RUFY2: variants seen among roughly 807,000 people sequenced by gnomAD.
RUFY2 encodes the protein RUN and FYVE domain-containing protein 2.
RUFY2 carries 49 observed loss-of-function variants against 94.4 expected under a neutral mutation model. The observed-to-expected ratio is 0.52, with a 90% CI of 0.41 to 0.66. The LOEUF is 0.66. Among genes scored for constraint, RUFY2 ranks in the 30% least tolerant of loss-of-function variants. The probability of loss-of-function intolerance (pLI) is 0.00; values close to 1 mark genes in which losing one functional copy is unlikely to be tolerated. For missense variants in RUFY2, 541 were observed against 692.8 expected, an observed-to-expected ratio of 0.78 and a Z score of 2.46; for synonymous variants, 255 against 235.7, an observed-to-expected ratio of 1.08 and a Z score of -0.75.
chr10:68,352,524 C>G (rs2046752987), intron 16 of RUFY2, among the ~76,000 whole-genome samples: 1 of 152,152 alleles, frequency 6.6e-6, no homozygotes, highest in Non-Finnish European at 1.5e-5. Context: ...AATGACGTAA[C>G]CAAGTACCTG....
intron 13 of RUFY2, among the ~76,000 whole-genome samples, chr10:68,369,762 A>G (rs946431805): frequency 7.2e-5 from 11 of 152,058 alleles, no homozygotes; most frequent in Non-Finnish European, 1.6e-4. Flanking sequence ...TCTCTATAAG[A>G]AAAATAATAA....
At chr10:68,362,310 T>C (rs544721423) in intron 15 of RUFY2, among the ~76,000 whole-genome samples, 1 of 151,472 alleles carries the variant, frequency 6.6e-6, no homozygotes, top group Admixed American at 6.6e-5. Context: ...CCTGGGCAAC[T>C]TGAGAGCAAG....
chr10:68,379,622 GC>G, intron 11 of RUFY2, 101 bp from the exon 12 acceptor site: 1 of 746,056 alleles, frequency 1.3e-6, no homozygotes, highest in Non-Finnish European at 2.1e-6. Context: ...TCACTATGCA[GC>G]CCAGGTTGGA....
At chr10:68,364,257 T>C (rs2047653546) in intron 13 of RUFY2, 144 bp from the exon 14 acceptor site, 1 of 789,288 alleles carries the variant, frequency 1.3e-6, no homozygotes, top group African/African-American at 1.7e-5. Context: ...CAAATATTTT[T>C]CAGTAAACAA....
intron 13 of RUFY2, among the ~76,000 whole-genome samples, chr10:68,373,561 G>A (rs1439643131): frequency 6.6e-6 from 1 of 151,950 alleles, no homozygotes; most frequent in East Asian, 1.9e-4. Flanking sequence ...GAGGCCAGGA[G>A]TTCCAGACCA....
intron 16 of RUFY2, among the ~76,000 whole-genome samples, chr10:68,349,827 C>G (rs1489059505): frequency 1.3e-5 from 2 of 151,838 alleles, no homozygotes; most frequent in Admixed American, 6.6e-5. Flanking sequence ...CGTGAGCCAC[C>G]GCGCCCGGCC....
chr10:68,391,199 G>A (rs535674043), intron 7 of RUFY2, among the ~76,000 whole-genome samples: 19 of 152,190 alleles, frequency 1.2e-4, no homozygotes, highest in Non-Finnish European at 2.8e-4. Flanking sequence ...GCCTCCCAAA[G>A]TGCTGGGATT....
chr10:68,406,667 C>G, intron 1 of RUFY2: 1 of 1,272,160 alleles, frequency 7.9e-7, no homozygotes, highest in Non-Finnish European at 1.1e-6. Context: ...GCCTAGAGCC[C>G]CTTCCCTGCC....
At chr10:68,374,961 G>C (rs2048527974) in intron 13 of RUFY2, among the ~76,000 whole-genome samples, 1 of 151,980 alleles carries the variant, frequency 6.6e-6, no homozygotes, top group African/African-American at 2.4e-5. Flanking sequence ...AAATATATAT[G>C]CATGCATGGT....
At chr10:68,351,445 C>CTTT in intron 16 of RUFY2, among the ~76,000 whole-genome samples, 1 of 63,350 alleles carries the variant, frequency 1.6e-5, no homozygotes, top group Non-Finnish European at 2.9e-5. Context: ...CTCCACCCAT[C>CTTT]TTTTTTTTTT....
At chr10:68,401,768 G>T in intron 2 of RUFY2, 31 bp from the exon 3 acceptor site, 2 of 1,268,028 alleles carry the variant, frequency 1.6e-6, no homozygotes, top group Non-Finnish European at 2.3e-6. Flanking sequence ...TGCACACAAT[G>T]TCAACATAAA....
At chr10:68,350,939 G>A (rs550502769) in intron 16 of RUFY2, among the ~76,000 whole-genome samples, 41 of 151,882 alleles carry the variant, frequency 2.7e-4, no homozygotes, top group African/African-American at 8.9e-4. Flanking sequence ...TCGAACTCCC[G>A]ACCTCAGGTG....
intron 15 of RUFY2, 144 bp downstream of exon 15, chr10:68,363,446 C>A: frequency 2.0e-6 from 1 of 503,640 alleles, no homozygotes; most frequent in Non-Finnish European, 3.4e-6. Context: ...TTACAAAGTG[C>A]GGGGATTACA....
At chr10:68,356,481 G>T (rs1285313702) in intron 15 of RUFY2, among the ~76,000 whole-genome samples, 1 of 152,034 alleles carries the variant, frequency 6.6e-6, no homozygotes, top group Non-Finnish European at 1.5e-5. Flanking sequence ...ACTCCAGCCT[G>T]GGTGACAGCG....
rs925442414 is a variant in RUFY2 at position 68,401,748 on chromosome 10, G to A, written c.179-11C>T. The stretch of plus-strand genomic sequence containing the variant: ...AAAATGATTTTCTTACTGAAAAAAA[G>A]AACACATAATGCACACAATGTCAAC... On this transcript the variant is annotated splice_polypyrimidine_tract_variant and intron_variant, in intron 2 of 17. Coordinates refer to ENST00000602465, the MANE Select transcript of RUFY2 (RefSeq NM_001330103.2). 2 of 1,477,288 alleles carry A rather than the reference G, an allele frequency of 1.4e-6. No homozygotes were observed. Among genetic ancestry groups the A allele is most frequent in the Middle Eastern group, 1.7e-4 (1 of 5,804 alleles). 91.5% of individuals were successfully genotyped at this position (1,477,288 alleles called of 1,614,324 possible).
downstream of RUFY2, chr10:68,341,116 T>G (rs2045905320): frequency 8.1e-7 from 1 of 1,228,840 alleles, no homozygotes; most frequent in African/African-American, 1.5e-5. Context: ...TCAAGGTATG[T>G]GGTAATTTAC....
At chr10:68,355,550 A>G in intron 15 of RUFY2, 149 bp from the exon 16 acceptor site, 2 of 474,936 alleles carry the variant, frequency 4.2e-6, no homozygotes, top group Non-Finnish European at 3.7e-6. Flanking sequence ...GGAATATTTC[A>G]TATTTTCCTA....
At chr10:68,380,100 A>G (rs931484266) in intron 11 of RUFY2, among the ~76,000 whole-genome samples, 1 of 148,540 alleles carries the variant, frequency 6.7e-6, no homozygotes, top group Non-Finnish European at 1.5e-5. Flanking sequence ...GAGCCACCGC[A>G]CACGGCCCTT....
chr10:68,384,198 A>T (rs754156191), intron 8 of RUFY2, 46 bp from the exon 9 acceptor site: 5 of 1,554,898 alleles, frequency 3.2e-6, no homozygotes, highest in Admixed American at 2.0e-5. Context: ...AAACACCCTT[A>T]TACTTGCTTT....
Sources: allele counts gnomAD v4.1 joint callset (sites outside exome capture counted in the v4.1 genomes callset), GRCh38; gene constraint gnomAD v4.1.1; transcripts MANE v1.5; gene names NCBI Gene and HGNC (gene_info 2026-07-23, HGNC 2026-07-21).